RCAN1: variants seen among roughly 807,000 people sequenced by gnomAD.
The protein encoded by RCAN1 is regulator of calcineurin 1, also known as calcipressin-1.
Under a neutral mutation model 22.9 loss-of-function variants are expected in RCAN1, and 11 were observed. The ratio of observed to expected loss-of-function variants is 0.48; its 90% CI spans 0.30 to 0.79. The LOEUF is 0.79. Ranked by LOEUF, RCAN1 falls within the 30% of genes least tolerant of loss-of-function variation. The pLI is 0.06. For synonymous variants in RCAN1, 136 were observed against 142.3 expected, an observed-to-expected ratio of 0.96 and a Z score of 0.32; for missense variants, 291 against 337.8, an observed-to-expected ratio of 0.86 and a Z score of 1.09.
chr21:34,544,085 C>T (rs1269165238), intron 1 of RCAN1, among the ~76,000 whole-genome samples: 2 of 152,278 alleles, frequency 1.3e-5, no homozygotes. Flanking sequence ...GTGGCTGCCA[C>T]AGCAGCAGTA....
chr21:34,564,902 C>CT (rs1986946387), intron 1 of RCAN1, among the ~76,000 whole-genome samples: 2 of 152,144 alleles, frequency 1.3e-5, no homozygotes, highest in African/African-American at 4.8e-5. Context: ...ACTGTTGGAA[C>CT]TAATAAGAAA....
intron 1 of RCAN1, among the ~76,000 whole-genome samples, chr21:34,558,119 G>C (rs2123658905): frequency 6.6e-6 from 1 of 152,316 alleles, no homozygotes; most frequent in African/African-American, 2.4e-5. Flanking sequence ...GATAGAAAAG[G>C]ATAATGCTTT....
intron 1 of RCAN1, chr21:34,524,412 T>C (rs1221497278): frequency 1.3e-5 from 2 of 151,738 alleles, no homozygotes; most frequent in African/African-American, 4.9e-5. Context: ...CCTATAGCCT[T>C]CCCCGGCTAG....
intron 1 of RCAN1, among the ~76,000 whole-genome samples, chr21:34,600,315 C>A (rs1433779589): frequency 6.6e-6 from 1 of 152,216 alleles, no homozygotes; most frequent in Non-Finnish European, 1.5e-5. Context: ...GGAACCATCA[C>A]AAGTTGATTT....
chr21:34,600,162 G>T (rs1333409114), intron 1 of RCAN1, among the ~76,000 whole-genome samples: 2 of 152,146 alleles, frequency 1.3e-5, no homozygotes, highest in Non-Finnish European at 2.9e-5. Flanking sequence ...CTGCTGGGTG[G>T]CATGCTGCTG....
chr21:34,526,974 G>GT, intron 1 of RCAN1: 1 of 1,342,828 alleles, frequency 7.4e-7, no homozygotes, highest in Non-Finnish European at 9.5e-7. Context: ...GGGACAAAGT[G>GT]TAAGTTTCTA....
At position 34,534,467 on chromosome 21, in the gene RCAN1, A is replaced by G. The variant is rs564283053; in HGVS notation, c.253-10757T>C. Among the ~76,000 whole-genome samples, 14 of 152,204 alleles carry G rather than the reference A, an allele frequency of 9.2e-5. No individual in the cohort carries two copies. The South Asian group carries it at 2.9e-3, about 32-fold the overall frequency. On this transcript the variant is annotated intron_variant, in intron 1 of 3. Coordinates refer to ENST00000313806, the MANE Select transcript of RCAN1 (RefSeq NM_004414.7). ...ATCATAGTCATGTTGGGACTTGGCA[A>G]TCTTCATACTACAACAAAAGCTTCA... is the stretch of plus-strand genomic sequence containing the variant.
intron 1 of RCAN1, among the ~76,000 whole-genome samples, chr21:34,553,809 C>A (rs1352090177): frequency 6.6e-6 from 1 of 152,130 alleles, no homozygotes; most frequent in East Asian, 1.9e-4. Context: ...AACAAATAAC[C>A]TATAAAGCGA....
intron 1 of RCAN1, among the ~76,000 whole-genome samples, chr21:34,538,689 T>C (rs892056082): frequency 2.0e-5 from 3 of 152,084 alleles, no homozygotes; most frequent in Admixed American, 1.3e-4. Context: ...ACGACCCTTA[T>C]CGGAGCAGGA....
At chr21:34,530,625 T>TTTTGTTTGTTTTG (rs568458336) in intron 1 of RCAN1, among the ~76,000 whole-genome samples, 7,178 of 71,766 alleles carry the variant, frequency 0.1, 362 homozygotes, top group African/African-American at 0.22. Context: ...AGTTTTTTTT[T>TTTTGTTTGTTTTG]TTTTTTTTTT....
At chr21:34,581,781 A>T (rs1987618968) in intron 1 of RCAN1, among the ~76,000 whole-genome samples, 1 of 152,232 alleles carries the variant, frequency 6.6e-6, no homozygotes, top group Admixed American at 6.5e-5. Flanking sequence ...CAGCCCAGGA[A>T]GTGGCTGGCC....
intron 1 of RCAN1, 73 bp from the exon 2 acceptor site, chr21:34,523,783 A>C: frequency 1.1e-5 from 13 of 1,184,626 alleles, no homozygotes; most frequent in Non-Finnish European, 1.4e-5. Context: ...TGATGTCATT[A>C]CTTTTTTTTT....
intron 1 of RCAN1, among the ~76,000 whole-genome samples, chr21:34,532,764 A>G (rs368344673): frequency 8.5e-5 from 13 of 152,314 alleles, no homozygotes; most frequent in African/African-American, 3.1e-4. Flanking sequence ...GATAGATATG[A>G]TTGTAGATAC....
intron 1 of RCAN1, among the ~76,000 whole-genome samples, chr21:34,585,060 C>T (rs547311522): frequency 1.3e-5 from 2 of 152,226 alleles, no homozygotes; most frequent in Admixed American, 1.3e-4. Flanking sequence ...TTGTTTAAAA[C>T]AAAATTTTTT....
Position 34,614,492 on chromosome 21 carries a change from G to T in RCAN1, c.252+268C>A. Reference sequence around the variant, plus strand: ...GGGGAGCGAATTCACCCCCCTAGTCGCACCAGCCTGGGCGCACACGGGGGC... The same window carrying T: ...GGGGAGCGAATTCACCCCCCTAGTCTCACCAGCCTGGGCGCACACGGGGGC... On this transcript the variant is annotated intron_variant, in intron 1 of 3. Coordinates refer to ENST00000313806, the MANE Select transcript of RCAN1 (RefSeq NM_004414.7). The surrounding 1 kb of genome is among the most constrained non-coding windows in gnomAD (Gnocchi z 6.0). 9.7e-7 allele frequency: 1 copy of T among 1,036,250 alleles called. No individual in the cohort carries two copies. The highest frequency in any genetic ancestry group is 1.2e-6 in the Non-Finnish European group (1 of 863,656). 64.2% of individuals were successfully genotyped at this position (1,036,250 alleles called of 1,614,324 possible).
At position 34,516,650 on chromosome 21, in the gene RCAN1, T is replaced by C. The variant is rs1490276387; in HGVS notation, c.*1434A>G. 1 of 152,202 alleles carries C rather than the reference T, an allele frequency of 6.6e-6. No individual in the cohort carries two copies. The highest frequency in any genetic ancestry group is 1.5e-5 in the Non-Finnish European group (1 of 68,034). The allele number at this position is 152,202 out of a possible 1,614,324, so 9.4% of individuals were successfully genotyped here. ...TCTTACCAAGTACCGTAAACAGGGT[T>C]TGAGAACGTTCAATCAATTTCTTGA... is the stretch of plus-strand genomic sequence containing the variant. On this transcript the variant is annotated 3_prime_UTR_variant, in exon 4 of 4. Transcript: ENST00000313806.
chr21:34,517,352 G>A lies in RCAN1; in HGVS notation c.*732C>T, dbSNP rs978865152. On this transcript the variant is annotated 3_prime_UTR_variant, in exon 4 of 4. Transcript: ENST00000313806. ...GAGGAATTTCAGATCAACTTCTTTTGCAAAAGCACAAGTTACACGTTGCAC... is the reference window on the plus strand; with the variant it reads ...GAGGAATTTCAGATCAACTTCTTTTACAAAAGCACAAGTTACACGTTGCAC... 1 of 152,220 alleles carries A rather than the reference G, an allele frequency of 6.6e-6. No homozygotes were observed. Among genetic ancestry groups the A allele is most frequent in the Non-Finnish European group, 1.5e-5 (1 of 68,046 alleles). 9.4% of individuals were successfully genotyped at this position (152,220 alleles called of 1,614,324 possible). A position where few individuals can be genotyped will look rare whatever the true frequency, so the allele number is the denominator to read the frequency against.
chr21:34,562,502 GC>G (rs1295761056), intron 1 of RCAN1, among the ~76,000 whole-genome samples: 2 of 152,192 alleles, frequency 1.3e-5, no homozygotes, highest in Admixed American at 1.3e-4. Flanking sequence ...CATGGGTGGT[GC>G]CACCTCAGTC....
intron 1 of RCAN1, among the ~76,000 whole-genome samples, chr21:34,608,231 T>C (rs772389397): frequency 5.3e-5 from 8 of 152,214 alleles, no homozygotes; most frequent in Non-Finnish European, 1.0e-4. Context: ...GTAGAAAAAC[T>C]GTCTTCCATG....
Sources: allele counts gnomAD v4.1 joint callset (sites outside exome capture counted in the v4.1 genomes callset), GRCh38; gene constraint gnomAD v4.1.1; non-coding constraint Gnocchi (gnomAD v3.1); transcripts MANE v1.5; gene names NCBI Gene and HGNC (gene_info 2026-07-23, HGNC 2026-07-21).